KBTBD12: variants seen among roughly 807,000 people sequenced by gnomAD.
KBTBD12 encodes the protein kelch repeat and BTB domain containing 12.
A neutral mutation model predicts 58.7 loss-of-function variants in KBTBD12; 53 were observed. That is an observed-to-expected ratio of 0.90 (90% CI 0.72 to 1.14). KBTBD12 has a LOEUF of 1.14. Among genes scored for constraint, KBTBD12 ranks in the 50% most tolerant of loss-of-function variants. The pLI is 0.00. For missense variants in KBTBD12, 704 were observed against 751.3 expected (o/e 0.94, Z 0.74); for synonymous variants, 236 against 259.8 (o/e 0.91, Z 0.88).
At position 127,973,398 on chromosome 3, in the gene KBTBD12, A is replaced by T. The variant is rs144360933; in HGVS notation, c.1690+10012A>T. On this transcript the variant is annotated intron_variant, in intron 5 of 5. Transcript: ENST00000405109. Reference sequence around the variant, plus strand: ...CAGAGAGACATAATAACAAAGTATAATGTGTGAAGGTTGGTTGGATGATGG... The same window carrying T: ...CAGAGAGACATAATAACAAAGTATATTGTGTGAAGGTTGGTTGGATGATGG... 6.6e-3 allele frequency among the ~76,000 whole-genome samples: 1,003 copies of T among 152,314 alleles called. 7 individuals are homozygous for T. The highest frequency in any genetic ancestry group is 0.016 in the South Asian group (78 of 4,820).
chr3:127,980,371 G>A (rs958579148), intron 5 of KBTBD12, among the ~76,000 whole-genome samples: 3 of 151,808 alleles, frequency 2.0e-5, no homozygotes, highest in Middle Eastern at 3.4e-3. Flanking sequence ...GCTCTGTCGC[G>A]CAGGCTGGAA....
intron 4 of KBTBD12, among the ~76,000 whole-genome samples, chr3:127,937,256 G>A (rs1939850372): frequency 6.6e-6 from 1 of 152,072 alleles, no homozygotes; most frequent in Admixed American, 6.6e-5. Context: ...GACAAATAGT[G>A]TGCTTACTCC....
At chr3:127,974,383 G>T (rs1047059288) in intron 5 of KBTBD12, among the ~76,000 whole-genome samples, 2 of 152,216 alleles carry the variant, frequency 1.3e-5, no homozygotes, top group African/African-American at 4.8e-5. Flanking sequence ...ACGGAAAGAG[G>T]GCTCCACAGC....
At chr3:127,948,300 C>A (rs905599158) in intron 4 of KBTBD12, among the ~76,000 whole-genome samples, 1 of 151,832 alleles carries the variant, frequency 6.6e-6, no homozygotes, top group Non-Finnish European at 1.5e-5. Context: ...TTAGCAGAGG[C>A]CTTGGGGAGT....
At chr3:127,936,991 A>G (rs1178772856) in intron 4 of KBTBD12, among the ~76,000 whole-genome samples, 1 of 152,172 alleles carries the variant, frequency 6.6e-6, no homozygotes, top group Non-Finnish European at 1.5e-5. Flanking sequence ...TTATTTTAAA[A>G]TGCCTCAGAC....
rs368751103 is a variant in KBTBD12, at chr3:127,923,186, T to A, written c.125T>A (p.Phe42Tyr). 6.2e-7 allele frequency: 1 copy of A among 1,613,744 alleles called. No homozygotes were observed. Among genetic ancestry groups the A allele is most frequent in the South Asian group, 1.1e-5 (1 of 91,068 alleles). ...DVVLTAEGEK[F>Y]PCHRLVLAAF... ...GTACTCACAGCAGAAGGAGAGAAAT[T>A]TCCTTGCCACAGACTGGTCCTGGCT... Residue 42 changes from phenylalanine to tyrosine, a missense_variant, in exon 2 of 6, where the codon TTT becomes TAT. Coordinates refer to ENST00000405109, the MANE Select transcript of KBTBD12 (RefSeq NM_207335.4).
At chr3:127,963,486 G>T in intron 5 of KBTBD12, 100 bp downstream of exon 5, 1 of 1,146,770 alleles carries the variant, frequency 8.7e-7, no homozygotes, top group South Asian at 1.7e-5. Context: ...AGCAACGTGA[G>T]CACTGCAAAA....
At chr3:127,934,853 A>T (rs1474836572) in intron 4 of KBTBD12, among the ~76,000 whole-genome samples, 1 of 152,202 alleles carries the variant, frequency 6.6e-6, no homozygotes, top group Non-Finnish European at 1.5e-5. Flanking sequence ...GACATCCCAG[A>T]TGACTAAAGA....
At chr3:127,939,609 A>G (rs1939907300) in intron 4 of KBTBD12, among the ~76,000 whole-genome samples, 1 of 152,186 alleles carries the variant, frequency 6.6e-6, no homozygotes, top group South Asian at 2.1e-4. Flanking sequence ...CTATTCAAAG[A>G]GATATAGTAA....
At chr3:127,960,151 G>A (rs1293647471) in intron 4 of KBTBD12, among the ~76,000 whole-genome samples, 3 of 152,132 alleles carry the variant, frequency 2.0e-5, no homozygotes, top group Admixed American at 6.5e-5. Context: ...CTTGGGCAGC[G>A]AGTACCACTC....
chr3:127,939,636 A>T (rs1352861312), intron 4 of KBTBD12, among the ~76,000 whole-genome samples: 1 of 152,204 alleles, frequency 6.6e-6, no homozygotes, highest in African/African-American at 2.4e-5. Context: ...CAATAAATGC[A>T]TTGAGATGGA....
intron 5 of KBTBD12, among the ~76,000 whole-genome samples, chr3:127,968,604 A>G (rs1430143096): frequency 6.6e-6 from 1 of 152,204 alleles, no homozygotes; most frequent in Non-Finnish European, 1.5e-5. Context: ...TTGGCTTACC[A>G]TTTGAAAATG....
At chr3:127,940,402 A>G (rs1354518698) in intron 4 of KBTBD12, among the ~76,000 whole-genome samples, 2 of 152,196 alleles carry the variant, frequency 1.3e-5, no homozygotes, top group Non-Finnish European at 2.9e-5. Flanking sequence ...TTCTCTGACC[A>G]CAGTGGAACA....
At chr3:127,963,412 G>A (rs1466538729) in intron 5 of KBTBD12, 26 bp downstream of exon 5, 5 of 1,554,390 alleles carry the variant, frequency 3.2e-6, no homozygotes, top group South Asian at 2.4e-5. Context: ...TAAACATTTT[G>A]TTACCTCCTT....
rs76467350 is a variant in KBTBD12 at position 127,936,555 on chromosome 3, A to G, written c.1492+6272A>G. On this transcript the variant is annotated intron_variant, in intron 4 of 5. Transcript: ENST00000405109. The stretch of plus-strand genomic sequence containing the variant: ...CTGACGGCTGCATAGTTTTGTAAAT[A>G]TACTAAAAATCACTAAATTGTACAC... Among the ~76,000 whole-genome samples the G allele has an allele frequency of 5.9e-5, 9 of 152,298 alleles. No individual in the cohort carries two copies. In the East Asian group the frequency reaches 1.5e-3, roughly 26 times the overall value.
intron 1 of KBTBD12, among the ~76,000 whole-genome samples, chr3:127,920,050 G>A (rs1437045024): frequency 6.6e-6 from 1 of 152,116 alleles, no homozygotes; most frequent in African/African-American, 2.4e-5. Context: ...TGCAACTCCT[G>A]AAGGGAAACA....
rs774567735 is a variant in KBTBD12 at position 127,984,153 on chromosome 3, T to C, written c.1747T>C (p.Trp583Arg). 1 of 1,613,842 alleles carries C rather than the reference T, an allele frequency of 6.2e-7. No homozygotes were observed. The highest frequency in any genetic ancestry group is 1.1e-5 in the South Asian group (1 of 91,066). ...ILELDPWENQ[W>R]NVVAINVLMH... ...GGAACTGGACCCATGGGAAAACCAG[T>C]GGAATGTTGTAGCCATCAACGTCCT... Residue 583 changes from tryptophan to arginine, a missense_variant, in exon 6 of 6, where the codon TGG becomes CGG. Physicochemically the swap from Trp to Arg is moderately radical, Grantham distance 101. Coordinates refer to ENST00000405109, the MANE Select transcript of KBTBD12 (RefSeq NM_207335.4).
intron 5 of KBTBD12, among the ~76,000 whole-genome samples, chr3:127,976,460 A>G (rs1422330710): frequency 1.3e-5 from 2 of 152,156 alleles, no homozygotes; most frequent in South Asian, 2.1e-4. Flanking sequence ...CTTGATGTCT[A>G]TCCGATATTC....
intron 4 of KBTBD12, among the ~76,000 whole-genome samples, chr3:127,937,732 C>T (rs1042155326): frequency 6.6e-6 from 1 of 151,920 alleles, no homozygotes; most frequent in African/African-American, 2.4e-5. Context: ...AACAAACAAA[C>T]AAGAAATGTA....
Sources: gnomAD v4.1 joint callset for allele counts (sites outside exome capture counted in the v4.1 genomes callset) on GRCh38, gnomAD v4.1.1 for gene constraint, MANE v1.5 for transcripts, NCBI Gene and HGNC (gene_info 2026-07-23, HGNC 2026-07-21) for gene names.